Variants in CREB5 observed in about 807,000 individuals in gnomAD.
The protein encoded by CREB5 is cyclic AMP-responsive element-binding protein 5.
A neutral mutation model predicts 57.1 loss-of-function variants in CREB5; 19 were observed. The ratio of observed to expected loss-of-function variants is 0.33; its 90% CI spans 0.23 to 0.49. The LOEUF (loss-of-function observed/expected upper bound fraction) is 0.49, where lower values mean the gene tolerates loss of function less well. CREB5 is among the 20% of genes least tolerant of loss of function. CREB5 has a pLI of 0.99. For missense variants in CREB5, 579 were observed against 671.6 expected (o/e 0.86, Z 1.52); for synonymous variants, 238 against 238.3 (o/e 1.00, Z 0.01).
upstream of CREB5, chr7:28,410,139 C>G (rs773459538): frequency 5.2e-6 from 2 of 388,124 alleles, no homozygotes; most frequent in East Asian, 7.3e-5. Context: ...GCCGGGCTGC[C>G]GGCTGCAGCG....
chr7:28,326,434 C>T lies in CREB5; in HGVS notation c.-25+26993C>T, dbSNP rs186759348. Among the ~76,000 whole-genome samples the T allele has an allele frequency of 5.9e-5, 9 of 152,332 alleles. No individual in the cohort carries two copies. The East Asian group carries it at 1.3e-3, about 23-fold the overall frequency. ...TCTCCTTGGCCCAGCACTGCTGGTT[C>T]ACACAAGCTCATGCCAATTGGGAAT... On this transcript the variant is annotated intron_variant, in intron 1 of 9. Transcript: ENST00000396299.
chr7:28,440,220 T>C (rs1009822695), intron 1 of CREB5, among the ~76,000 whole-genome samples: 5 of 152,072 alleles, frequency 3.3e-5, no homozygotes, highest in South Asian at 2.1e-4. Flanking sequence ...TCCGACAACA[T>C]TGATTTATTT....
chr7:28,584,272 G>A (rs1796231883), intron 5 of CREB5, among the ~76,000 whole-genome samples: 1 of 152,152 alleles, frequency 6.6e-6, no homozygotes, highest in Non-Finnish European at 1.5e-5. Context: ...ATGTTGTCAT[G>A]ATCTGAATTG....
At chr7:28,807,107 T>C (rs1808771092) in intron 8 of CREB5, among the ~76,000 whole-genome samples, 1 of 152,188 alleles carries the variant, frequency 6.6e-6, no homozygotes, top group Non-Finnish European at 1.5e-5. Flanking sequence ...TTGTTATTCC[T>C]CTATAATCGG....
rs189794473 is a variant in CREB5, at chr7:28,577,783, T to C, written c.464+7246T>C. On this transcript the variant is annotated intron_variant, in intron 5 of 10. Coordinates refer to ENST00000357727, the MANE Select transcript of CREB5 (RefSeq NM_182898.4). The stretch of plus-strand genomic sequence containing the variant: ...TTTTCAGCACTAAAATGTTAATTAT[T>C]TTCATAATGAATTTAATTTTGTAAA... 2.6e-5 allele frequency among the ~76,000 whole-genome samples: 4 copies of C among 152,334 alleles called. No individual in the cohort carries two copies. In the East Asian group the frequency reaches 7.7e-4, roughly 29 times the overall value.
intron 1 of CREB5, among the ~76,000 whole-genome samples, chr7:28,356,202 T>G (rs1462625463): frequency 6.6e-6 from 1 of 152,182 alleles, no homozygotes; most frequent in Non-Finnish European, 1.5e-5. Context: ...TTAGATACAA[T>G]GAGTCATTTT....
At chr7:28,319,223 A>G (rs1785441940) in intron 1 of CREB5, among the ~76,000 whole-genome samples, 1 of 152,212 alleles carries the variant, frequency 6.6e-6, no homozygotes, top group Non-Finnish European at 1.5e-5. Context: ...TGGCCTGTAT[A>G]GAAGATCGGT....
intron 1 of CREB5, among the ~76,000 whole-genome samples, chr7:28,300,059 TTTATTTATTTATTTATTTATTTA>T (rs1196056600): frequency 2.0e-4 from 4 of 19,946 alleles, no homozygotes; most frequent in Non-Finnish European, 8.1e-5. Flanking sequence ...GCTTTATTTA[TTTATTTATTTATTTATTTATTTA>T]TTTATTTATT....
intron 1 of CREB5, among the ~76,000 whole-genome samples, chr7:28,322,176 T>C (rs186756335): frequency 6.6e-6 from 1 of 152,308 alleles, no homozygotes; most frequent in East Asian, 1.9e-4. Flanking sequence ...GTGTGTTACT[T>C]GAGAAAAGGG....
intron 1 of CREB5, among the ~76,000 whole-genome samples, chr7:28,468,000 C>T (rs528420558): frequency 6.6e-6 from 1 of 152,322 alleles, no homozygotes; most frequent in Admixed American, 6.5e-5. Flanking sequence ...ATGGTCAGAA[C>T]TTCAGAAGTC....
At chr7:28,789,088 T>C (rs1807506129) in intron 7 of CREB5, among the ~76,000 whole-genome samples, 1 of 152,196 alleles carries the variant, frequency 6.6e-6, no homozygotes, top group Admixed American at 6.5e-5. Flanking sequence ...GACTTTAAGT[T>C]GCATTTGAAA....
chr7:28,519,257 G>A (rs1793104267), intron 4 of CREB5, among the ~76,000 whole-genome samples: 2 of 152,180 alleles, frequency 1.3e-5, no homozygotes, highest in African/African-American at 2.4e-5. Flanking sequence ...CAATACATGT[G>A]TATATGTTTT....
intron 4 of CREB5, among the ~76,000 whole-genome samples, chr7:28,524,509 G>T (rs1793352793): frequency 6.6e-6 from 1 of 151,986 alleles, no homozygotes; most frequent in South Asian, 2.1e-4. Context: ...CTCAAAGAAA[G>T]AATGAAAAAT....
chr7:28,676,516 T>G (rs1427059637), intron 5 of CREB5, among the ~76,000 whole-genome samples: 1 of 152,180 alleles, frequency 6.6e-6, no homozygotes, highest in African/African-American at 2.4e-5. Flanking sequence ...CTCGTGTTTT[T>G]GGGTCTGTGG....
intron 3 of CREB5, among the ~76,000 whole-genome samples, chr7:28,506,654 A>T (rs1435002396): frequency 1.3e-5 from 2 of 152,174 alleles, no homozygotes; most frequent in African/African-American, 4.8e-5. Context: ...TTCTGCTTCT[A>T]ATATCTCCTG....
At chr7:28,682,753 A>G (rs893509816) in intron 5 of CREB5, among the ~76,000 whole-genome samples, 1 of 151,686 alleles carries the variant, frequency 6.6e-6, no homozygotes, top group South Asian at 2.1e-4. Flanking sequence ...TATGTTTCTC[A>G]TAACGTGTTT....
intron 5 of CREB5, among the ~76,000 whole-genome samples, chr7:28,630,982 A>G (rs1416673529): frequency 6.6e-6 from 1 of 152,206 alleles, no homozygotes; most frequent in African/African-American, 2.4e-5. Flanking sequence ...TTAATAACCT[A>G]TCCAGAATTA....
chr7:28,611,445 A>G (rs1319354421), intron 5 of CREB5, among the ~76,000 whole-genome samples: 29 of 134,130 alleles, frequency 2.2e-4, no homozygotes, highest in Non-Finnish European at 2.8e-4. Flanking sequence ...TGAGGCCAGG[A>G]GTTTGAGACC....
chr7:28,482,466 G>A lies in CREB5; in HGVS notation c.4-5709G>A, dbSNP rs79670169. Among the ~76,000 whole-genome samples, 51 of 152,312 alleles carry A rather than the reference G, an allele frequency of 3.3e-4. No homozygotes were observed. The East Asian group carries it at 8.9e-3, about 26-fold the overall frequency. ...AATTAATAAACAACATTTGTTCCTA[G>A]GAAGAAAGCAGGATTGATGTGGAGT... On this transcript the variant is annotated intron_variant, in intron 1 of 10. Coordinates refer to ENST00000357727, the MANE Select transcript of CREB5 (RefSeq NM_182898.4).
Sources: gnomAD v4.1 joint callset for allele counts (sites outside exome capture counted in the v4.1 genomes callset) on GRCh38, gnomAD v4.1.1 for gene constraint, MANE v1.5 for transcripts, NCBI Gene and HGNC (gene_info 2026-07-23, HGNC 2026-07-21) for gene names.